NSMCE2: variants seen among roughly 807,000 people sequenced by gnomAD.
NSMCE2 encodes E3 SUMO-protein ligase NSE2.
Under a neutral mutation model 23.8 loss-of-function variants are expected in NSMCE2, and 24 were observed. That is an observed-to-expected ratio of 1.01 (90% CI 0.73 to 1.42). The LOEUF (loss-of-function observed/expected upper bound fraction) is 1.42, where lower values mean the gene tolerates loss of function less well. Among genes scored for constraint, NSMCE2 ranks in the 40% most tolerant of loss-of-function variants. The pLI is 0.00. For synonymous variants in NSMCE2, 92 were observed against 94.1 expected, an observed-to-expected ratio of 0.98 and a Z score of 0.13; for missense variants, 284 against 296.5, an observed-to-expected ratio of 0.96 and a Z score of 0.31.
intron 4 of NSMCE2, among the ~76,000 whole-genome samples, chr8:125,176,616 G>A (rs1420439961): frequency 6.6e-6 from 1 of 152,160 alleles, no homozygotes; most frequent in Non-Finnish European, 1.5e-5. Context: ...GATATGTATA[G>A]ATAGATAATA....
At chr8:125,290,433 A>T (rs531409579) in intron 5 of NSMCE2, among the ~76,000 whole-genome samples, 42 of 152,206 alleles carry the variant, frequency 2.8e-4, no homozygotes, top group African/African-American at 9.4e-4. Flanking sequence ...AGACCATAAA[A>T]TCTCTCATCT....
intron 5 of NSMCE2, among the ~76,000 whole-genome samples, chr8:125,331,059 T>C (rs1052646989): frequency 5.9e-5 from 9 of 152,176 alleles, no homozygotes; most frequent in African/African-American, 1.7e-4. Flanking sequence ...CCCAGCACTT[T>C]GGGAGGCTGA....
At position 125,154,130 on chromosome 8, in the gene NSMCE2, G is replaced by A. The variant is rs147071842; in HGVS notation, c.264+2853G>A. 4.4e-3 allele frequency among the ~76,000 whole-genome samples: 668 copies of A among 152,150 alleles called. 2 individuals are homozygous for A. The highest frequency in any genetic ancestry group is 6.1e-3 in the Non-Finnish European group (417 of 68,010). On this transcript the variant is annotated intron_variant, in intron 4 of 7. Transcript: ENST00000287437. ...GACTTTTGCAAATTGCGATACTTCC[G>A]TTACTATAATATTTGCCTAGATTCA... is the stretch of plus-strand genomic sequence containing the variant.
At position 125,366,891 on chromosome 8, in the gene NSMCE2, GC is replaced by G; in HGVS notation, c.*8del. On this transcript the variant is annotated 3_prime_UTR_variant, in exon 8 of 8. Transcript: ENST00000287437. ...GACATCGTCATTCCGAGTAGGAAAA[GC>G]CACCTGCCTGCAGGGACACCAGCAG... 6.6e-7 allele frequency: 1 copy of G among 1,525,190 alleles called. No homozygotes were observed. The highest frequency in any genetic ancestry group is 9.1e-7 in the Non-Finnish European group (1 of 1,098,876). 94.5% of individuals were successfully genotyped at this position (1,525,190 alleles called of 1,614,324 possible).
Position 125,255,062 on chromosome 8 carries a change from C to A in NSMCE2, c.418+72806C>A, listed in dbSNP as rs147321147. Reference sequence around the variant, plus strand: ...GAACCTAGCAGCGTCCACTTCCTGTCTCCTTGTATGCTCACTCTTGGAACC... The same window carrying A: ...GAACCTAGCAGCGTCCACTTCCTGTATCCTTGTATGCTCACTCTTGGAACC... On this transcript the variant is annotated intron_variant, in intron 5 of 7. Coordinates refer to ENST00000287437, the MANE Select transcript of NSMCE2 (RefSeq NM_173685.4). Among the ~76,000 whole-genome samples the A allele has an allele frequency of 2.3e-3, 355 of 152,188 alleles. 1 individual carries two copies. The highest frequency in any genetic ancestry group is 8.3e-3 in the African/African-American group (345 of 41,524).
At chr8:125,256,901 C>T (rs71516774) in intron 5 of NSMCE2, among the ~76,000 whole-genome samples, 3 of 108,478 alleles carry the variant, frequency 2.8e-5, no homozygotes, top group East Asian at 3.0e-4. Context: ...CCAGCCTGGG[C>T]GACAAAGCAA....
chr8:125,191,547 G>A (rs752792124), intron 5 of NSMCE2, among the ~76,000 whole-genome samples: 12 of 152,134 alleles, frequency 7.9e-5, no homozygotes, highest in East Asian at 1.9e-4. Flanking sequence ...AATCTTTTTC[G>A]GTCACTTGCA....
intron 5 of NSMCE2, among the ~76,000 whole-genome samples, chr8:125,327,341 T>C (rs1482678795): frequency 1.3e-5 from 2 of 151,738 alleles, no homozygotes; most frequent in Admixed American, 6.6e-5. Flanking sequence ...TGAATGAATG[T>C]AGTATAATTA....
In NSMCE2 at chr8:125,187,751, T is replaced by C. The variant is rs185200755; in HGVS notation, c.418+5495T>C. 1.8e-3 allele frequency among the ~76,000 whole-genome samples: 281 copies of C among 152,266 alleles called. 2 individuals carry two copies. Among genetic ancestry groups the C allele is most frequent in the African/African-American group, 5.7e-3 (237 of 41,572 alleles). Reference sequence around the variant, plus strand: ...GATTGAGATTTAGAAACTTTCAAAATATAAGGGCTTTGCTTTATGTTCAAA... The same window carrying C: ...GATTGAGATTTAGAAACTTTCAAAACATAAGGGCTTTGCTTTATGTTCAAA... On this transcript the variant is annotated intron_variant, in intron 5 of 7. Coordinates refer to ENST00000287437, the MANE Select transcript of NSMCE2 (RefSeq NM_173685.4).
intron 5 of NSMCE2, among the ~76,000 whole-genome samples, chr8:125,205,316 G>A (rs1216955649): frequency 2.0e-5 from 3 of 152,182 alleles, no homozygotes; most frequent in Non-Finnish European, 2.9e-5. Flanking sequence ...GTGCTTGGCA[G>A]GAAGAGGGAT....
rs533782094 is a variant in NSMCE2, at chr8:125,305,109, T to C, written c.419-52110T>C. 1.4e-4 allele frequency among the ~76,000 whole-genome samples: 22 copies of C among 152,282 alleles called. No homozygotes were observed. In the South Asian group the frequency reaches 1.4e-3, roughly 10 times the overall value. Reference sequence around the variant, plus strand: ...AGAAGTGAAGGATGTCTTTATGTTTTCCAGCTTCAGAGGTTGGATAAATGG... The same window carrying C: ...AGAAGTGAAGGATGTCTTTATGTTTCCCAGCTTCAGAGGTTGGATAAATGG... On this transcript the variant is annotated intron_variant, in intron 5 of 7. Coordinates refer to ENST00000287437, the MANE Select transcript of NSMCE2 (RefSeq NM_173685.4).
chr8:125,294,395 C>T (rs1010280009), intron 5 of NSMCE2, among the ~76,000 whole-genome samples: 8 of 152,138 alleles, frequency 5.3e-5, no homozygotes, highest in East Asian at 3.9e-4. Flanking sequence ...TCCAAAAGGA[C>T]TGCGCCATTT....
At chr8:125,100,378 C>T (rs933959410) in intron 1 of NSMCE2, among the ~76,000 whole-genome samples, 2 of 151,652 alleles carry the variant, frequency 1.3e-5, no homozygotes, top group African/African-American at 2.4e-5. Flanking sequence ...TGTTAAACTT[C>T]GTCTTTTATC....
intron 4 of NSMCE2, among the ~76,000 whole-genome samples, chr8:125,169,268 G>A (rs1822049296): frequency 6.6e-6 from 1 of 152,060 alleles, no homozygotes; most frequent in Non-Finnish European, 1.5e-5. Context: ...TACTCTTCCT[G>A]AGAAATAGCA....
At chr8:125,137,477 A>C (rs938369940) in intron 3 of NSMCE2, among the ~76,000 whole-genome samples, 3 of 152,204 alleles carry the variant, frequency 2.0e-5, no homozygotes, top group Middle Eastern at 3.2e-3. Flanking sequence ...GTTGCTATCC[A>C]CATGCAAGCT....
rs73338856 is a variant in NSMCE2, at chr8:125,352,822, A to G, written c.419-4397A>G. Reference sequence around the variant, plus strand: ...TTGCCAGATGTGACCTTTTGTTAGCACACTGGAGAATCCCAACGCTAATGT... The same window carrying G: ...TTGCCAGATGTGACCTTTTGTTAGCGCACTGGAGAATCCCAACGCTAATGT... On this transcript the variant is annotated intron_variant, in intron 5 of 7. Coordinates refer to ENST00000287437, the MANE Select transcript of NSMCE2 (RefSeq NM_173685.4). Among the ~76,000 whole-genome samples the G allele has an allele frequency of 6.2e-3, 952 of 152,326 alleles. 7 individuals are homozygous for G. The highest frequency in any genetic ancestry group is 0.022 in the African/African-American group (925 of 41,568).
intron 5 of NSMCE2, among the ~76,000 whole-genome samples, chr8:125,271,928 G>A (rs1827211769): frequency 6.6e-6 from 1 of 152,046 alleles, no homozygotes; most frequent in Non-Finnish European, 1.5e-5. Context: ...CGTTTTTCAG[G>A]TGGGAAAACC....
chr8:125,243,495 A>G (rs1050720170), intron 5 of NSMCE2, among the ~76,000 whole-genome samples: 3 of 133,814 alleles, frequency 2.2e-5, no homozygotes, highest in African/African-American at 3.6e-5. Flanking sequence ...AAAAATAATA[A>G]TTTTTTAAAA....
intron 5 of NSMCE2, among the ~76,000 whole-genome samples, chr8:125,294,617 A>T (rs1216887893): frequency 6.6e-6 from 1 of 152,254 alleles, no homozygotes; most frequent in Non-Finnish European, 1.5e-5. Flanking sequence ...TGCACGTAAT[A>T]GAAACTGTCT....
Sources: allele counts gnomAD v4.1 joint callset (sites outside exome capture counted in the v4.1 genomes callset), GRCh38; gene constraint gnomAD v4.1.1; transcripts MANE v1.5; gene names NCBI Gene and HGNC (gene_info 2026-07-23, HGNC 2026-07-21).